The following SLC44A5 variants were observed in gnomAD, a reference collection of about 807,000 sequenced individuals.
SLC44A5 encodes solute carrier family 44 member 5, also known as choline transporter-like protein 5.
A neutral mutation model predicts 101.8 loss-of-function variants in SLC44A5; 57 were observed. The ratio of observed to expected loss-of-function variants is 0.56; its 90% CI spans 0.45 to 0.70. The LOEUF is 0.70. Ranked by LOEUF, SLC44A5 falls within the 30% of genes least tolerant of loss-of-function variation. The probability of loss-of-function intolerance (pLI) is 0.00; values close to 1 mark genes in which losing one functional copy is unlikely to be tolerated. For synonymous variants in SLC44A5, 281 were observed against 290.9 expected (o/e 0.97, Z 0.35); for missense variants, 737 against 853.1 (o/e 0.86, Z 1.70).
intron 2 of SLC44A5, among the ~76,000 whole-genome samples, chr1:75,498,594 A>G (rs1004552876): frequency 6.6e-6 from 1 of 152,140 alleles, no homozygotes; most frequent in Non-Finnish European, 1.5e-5. Flanking sequence ...TAAGTCTTCA[A>G]AAATATTTTC....
At position 75,514,825 on chromosome 1, in the gene SLC44A5, TATG is replaced by T. The variant is rs533886685; in HGVS notation, c.13+26607_13+26609del. ...GTACCTGTTAAGACTGAAAAGAAAA[TATG>T]ATGTTTTGCTACAGAAACTGTAATT... On this transcript the variant is annotated intron_variant, in intron 2 of 23. Transcript: ENST00000370859. Among the ~76,000 whole-genome samples the T allele has an allele frequency of 4.9e-3, 744 of 152,270 alleles. 3 individuals are homozygous for T. The highest frequency in any genetic ancestry group is 6.5e-3 in the Non-Finnish European group (440 of 68,004).
chr1:75,659,312 GAGAA>G, the SLC44A5 span, among the ~76,000 whole-genome samples: 8 of 134,348 alleles, frequency 6.0e-5, no homozygotes, highest in South Asian at 1.0e-3. Flanking sequence ...AAAAAAGAGA[GAGAA>G]AGAGAGAAAA....
At chr1:75,225,255 T>C (rs115533892) in intron 13 of SLC44A5, among the ~76,000 whole-genome samples, 1,763 of 152,310 alleles carry the variant, frequency 0.012, 42 homozygotes, top group African/African-American at 0.04. Context: ...ACATGCTGTA[T>C]GGGTTTGTAG....
chr1:75,409,374 T>C (rs1452133570), intron 2 of SLC44A5, among the ~76,000 whole-genome samples: 1 of 152,154 alleles, frequency 6.6e-6, no homozygotes. Context: ...AATTAGTCAA[T>C]ATATCCATGT....
Position 75,352,437 on chromosome 1 carries a change from T to C in SLC44A5, c.53-12807A>G, listed in dbSNP as rs961997648. 5.9e-5 allele frequency among the ~76,000 whole-genome samples: 9 copies of C among 152,058 alleles called. No individual in the cohort carries two copies. The East Asian group carries it at 1.7e-3, about 29-fold the overall frequency. On this transcript the variant is annotated intron_variant, in intron 3 of 23. Coordinates refer to ENST00000370859, the MANE Select transcript of SLC44A5 (RefSeq NM_001130058.2). ...TTCTCATTGGAGAACTTCTGTTTTT[T>C]GTTTTTTTTTTAAAGACAAAACTTT... is the stretch of plus-strand genomic sequence containing the variant.
At chr1:75,368,674 A>G (rs201473283) in intron 3 of SLC44A5, among the ~76,000 whole-genome samples, 3 of 148,270 alleles carry the variant, frequency 2.0e-5, no homozygotes, top group African/African-American at 7.7e-5. Context: ...CACACACACC[A>G]CACTCAAATT....
chr1:75,433,673 C>T (rs1421176310), intron 2 of SLC44A5, among the ~76,000 whole-genome samples: 2 of 151,980 alleles, frequency 1.3e-5, no homozygotes, highest in Non-Finnish European at 2.9e-5. Flanking sequence ...CCTTTTGTAC[C>T]TCTCCTGATA....
intron 1 of SLC44A5, among the ~76,000 whole-genome samples, chr1:75,590,036 A>G (rs562058664): frequency 6.6e-6 from 1 of 152,164 alleles, no homozygotes; most frequent in East Asian, 1.9e-4. Flanking sequence ...GGGATGAAAT[A>G]GGCCCAGAGA....
chr1:75,689,450 GA>G, the SLC44A5 span, among the ~76,000 whole-genome samples: 1 of 152,184 alleles, frequency 6.6e-6, no homozygotes, highest in African/African-American at 2.4e-5. Context: ...AAGCAACTCT[GA>G]ACTTTTCTAG....
chr1:75,414,860 T>TGGTA, intron 2 of SLC44A5, among the ~76,000 whole-genome samples: 3 of 152,192 alleles, frequency 2.0e-5, no homozygotes, highest in Non-Finnish European at 2.9e-5. Flanking sequence ...GAGACAATAG[T>TGGTA]AAGAAGACTT....
At chr1:75,717,818 C>T in the SLC44A5 span, among the ~76,000 whole-genome samples, 5 of 152,142 alleles carry the variant, frequency 3.3e-5, no homozygotes, top group Non-Finnish European at 7.4e-5. Context: ...CCAAAGGGAG[C>T]CCCTGCTGGT....
chr1:75,269,832 A>C (rs1400982858), intron 6 of SLC44A5, among the ~76,000 whole-genome samples: 2 of 152,088 alleles, frequency 1.3e-5, no homozygotes, highest in Non-Finnish European at 2.9e-5. Flanking sequence ...GTTTGGCTGT[A>C]TCCCCACCTA....
intron 6 of SLC44A5, among the ~76,000 whole-genome samples, chr1:75,257,910 C>T (rs1217687395): frequency 6.6e-6 from 1 of 152,108 alleles, no homozygotes; most frequent in African/African-American, 2.4e-5. Context: ...CGAGCCAAAG[C>T]AGGGTGGGTT....
chr1:75,488,495 C>A (rs1242673032), intron 2 of SLC44A5, among the ~76,000 whole-genome samples: 1 of 152,138 alleles, frequency 6.6e-6, no homozygotes, highest in African/African-American at 2.4e-5. Context: ...ACCAAAATGT[C>A]ATCATGCAGT....
At chr1:75,281,161 G>A (rs112911204) in intron 5 of SLC44A5, among the ~76,000 whole-genome samples, 8,824 of 152,166 alleles carry the variant, frequency 0.058, 296 homozygotes, top group Middle Eastern at 0.13. Context: ...TTGTTGAATA[G>A]CTTTGACCAA....
the SLC44A5 span, among the ~76,000 whole-genome samples, chr1:75,677,029 T>C: frequency 6.6e-6 from 1 of 152,018 alleles, no homozygotes; most frequent in Admixed American, 6.6e-5. Flanking sequence ...TGAAGGAGAA[T>C]TAAGGACTTT....
the SLC44A5 span, among the ~76,000 whole-genome samples, chr1:75,623,589 G>T: frequency 6.6e-6 from 1 of 151,792 alleles, no homozygotes; most frequent in Non-Finnish European, 1.5e-5. Context: ...CAAAGGATAA[G>T]GTTTTTTTTT....
chr1:75,204,036 C>A (rs1197882073), intron 23 of SLC44A5, among the ~76,000 whole-genome samples: 1 of 152,066 alleles, frequency 6.6e-6, no homozygotes, highest in Non-Finnish European at 1.5e-5. Flanking sequence ...GTGATTATGT[C>A]AGCAAGATAT....
chr1:75,297,680 A>G (rs1030950435), intron 5 of SLC44A5, among the ~76,000 whole-genome samples: 6 of 152,248 alleles, frequency 3.9e-5, no homozygotes, highest in Non-Finnish European at 7.3e-5. Flanking sequence ...TGCATAATAA[A>G]TATTCCTATT....
Sources: allele counts gnomAD v4.1 joint callset (sites outside exome capture counted in the v4.1 genomes callset), GRCh38; gene constraint gnomAD v4.1.1; transcripts MANE v1.5; gene names NCBI Gene and HGNC (gene_info 2026-07-23, HGNC 2026-07-21).